Variants in SLC17A1 observed in about 807,000 individuals in gnomAD.
SLC17A1 encodes the protein solute carrier family 17 member 1.
A neutral mutation model predicts 53.5 loss-of-function variants in SLC17A1; 51 were observed. The observed-to-expected ratio is 0.95, with a 90% CI of 0.76 to 1.20. The LOEUF is 1.20. Among genes scored for constraint, SLC17A1 ranks in the 50% most tolerant of loss-of-function variants. The pLI is 0.00. For missense variants in SLC17A1, 538 were observed against 568.2 expected (o/e 0.95, Z 0.54); for synonymous variants, 179 against 198.8 (o/e 0.90, Z 0.84).
At chr6:25,770,114 C>T in the SLC17A1 span, 11 of 1,614,122 alleles carry the variant, frequency 6.8e-6, no homozygotes, top group Non-Finnish European at 9.3e-6. Flanking sequence ...TCATCCTCAG[C>T]TCCCTCAACT....
At chr6:25,766,873 A>G in the SLC17A1 span, among the ~76,000 whole-genome samples, 1 of 152,242 alleles carries the variant, frequency 6.6e-6, no homozygotes, top group African/African-American at 2.4e-5. Flanking sequence ...CCAAGGAGAC[A>G]TGACAACTAA....
chr6:25,770,388 T>C, the SLC17A1 span: 6 of 1,614,084 alleles, frequency 3.7e-6, no homozygotes, highest in East Asian at 1.3e-4. Flanking sequence ...CCCCAGGTTA[T>C]GGTATTAACT....
At chr6:25,817,159 T>C (rs1764387602) in intron 6 of SLC17A1, among the ~76,000 whole-genome samples, 2 of 152,190 alleles carry the variant, frequency 1.3e-5, no homozygotes, top group African/African-American at 4.8e-5. Context: ...GGCCAGGCCA[T>C]TTTAAGTGCA....
the SLC17A1 span, chr6:25,773,252 C>T: frequency 1.9e-6 from 3 of 1,551,208 alleles, no homozygotes; most frequent in Non-Finnish European, 2.7e-6. Flanking sequence ...CCATCCAGTG[C>T]TAACTGGATC....
intron 12 of SLC17A1, 88 bp downstream of exon 12, chr6:25,798,695 T>C: frequency 8.0e-7 from 1 of 1,249,868 alleles, no homozygotes; most frequent in South Asian, 2.0e-5. Flanking sequence ...GCACCCGTTA[T>C]TCCTTCTCGT....
chr6:25,780,818 T>G (rs1215984055), downstream of SLC17A1: 2 of 152,160 alleles, frequency 1.3e-5, no homozygotes, highest in African/African-American at 4.8e-5. Flanking sequence ...ATTATTTGAT[T>G]TAGGGAATAA....
At chr6:25,751,439 G>A in the SLC17A1 span, among the ~76,000 whole-genome samples, 1 of 152,176 alleles carries the variant, frequency 6.6e-6, no homozygotes, top group Non-Finnish European at 1.5e-5. Flanking sequence ...GTTCTATTGG[G>A]CTTGGCCATC....
the SLC17A1 span, among the ~76,000 whole-genome samples, chr6:25,767,825 A>G: frequency 6.6e-6 from 1 of 152,164 alleles, no homozygotes; most frequent in Non-Finnish European, 1.5e-5. Flanking sequence ...ATAATCAACT[A>G]TATTTTTCAT....
chr6:25,782,428 A>G (rs1428474055), downstream of SLC17A1, among the ~76,000 whole-genome samples: 1 of 152,214 alleles, frequency 6.6e-6, no homozygotes, highest in Middle Eastern at 3.2e-3. Context: ...ACAGTATCAT[A>G]TACAGTAAGT....
At chr6:25,793,356 G>A (rs1467704706) in intron 12 of SLC17A1, among the ~76,000 whole-genome samples, 5 of 152,100 alleles carry the variant, frequency 3.3e-5, no homozygotes, top group Non-Finnish European at 5.9e-5. Context: ...TGAGAGCTGG[G>A]TGCAAGTGAG....
At chr6:25,736,425 T>C in the SLC17A1 span, among the ~76,000 whole-genome samples, 2 of 152,180 alleles carry the variant, frequency 1.3e-5, no homozygotes, top group Admixed American at 1.3e-4. Flanking sequence ...TAAATGGCTT[T>C]GTTCTTAATC....
the SLC17A1 span, chr6:25,773,413 T>C: frequency 1.2e-6 from 2 of 1,612,582 alleles, no homozygotes; most frequent in Non-Finnish European, 1.7e-6. Context: ...GGAACTCCTC[T>C]GACATTTCTC....
the SLC17A1 span, among the ~76,000 whole-genome samples, chr6:25,764,320 C>T: frequency 5.9e-5 from 9 of 152,124 alleles, no homozygotes; most frequent in South Asian, 2.1e-4. Context: ...ATATCAGGGA[C>T]GGTATCCTTT....
the SLC17A1 span, among the ~76,000 whole-genome samples, chr6:25,740,805 A>T: frequency 0.27 from 41,348 of 152,230 alleles, 6,834 homozygotes; most frequent in East Asian, 0.7. Context: ...ACTGGAATTT[A>T]AAAATGTGCT....
the SLC17A1 span, among the ~76,000 whole-genome samples, chr6:25,756,036 T>C: frequency 7.9e-5 from 12 of 152,170 alleles, no homozygotes; most frequent in Non-Finnish European, 1.5e-4. Context: ...TCAACACTTG[T>C]ACAGGTGAAG....
At chr6:25,817,471 T>C (rs1764398848) in intron 6 of SLC17A1, among the ~76,000 whole-genome samples, 1 of 152,182 alleles carries the variant, frequency 6.6e-6, no homozygotes, top group African/African-American at 2.4e-5. Flanking sequence ...TTCTTAGTGA[T>C]AAGGAAAAAA....
chr6:25,733,369 CTTG>C, the SLC17A1 span, among the ~76,000 whole-genome samples: 3 of 152,068 alleles, frequency 2.0e-5, no homozygotes, highest in African/African-American at 7.2e-5. Context: ...CAGCACAACT[CTTG>C]TTGGGAGAGC....
rs1165196 is a variant in SLC17A1 at position 25,812,922 on chromosome 6, G to A, written c.806C>T (p.Thr269Ile). 948,706 of 1,612,780 alleles carry A rather than the reference G, an allele frequency of 0.59. 285,985 individuals carry two copies. Among genetic ancestry groups the A allele is most frequent in the African/African-American group, 0.88 (66,082 of 75,010 alleles). ...TGACCAGAAAAACGTAAAACTACCA[G>A]TGGAAATAGCCCAGACTGGAAGCGA... ...LKSLPVWAIS[T>I]GSFTFFWSHN... Residue 269 changes from threonine (T) to isoleucine (I), a missense_variant, in exon 8 of 13, where the codon ACT (threonine) becomes ATT (isoleucine). Transcript: ENST00000244527.
intron 6 of SLC17A1, among the ~76,000 whole-genome samples, chr6:25,814,715 G>C (rs1162225078): frequency 6.6e-6 from 1 of 152,174 alleles, no homozygotes; most frequent in Non-Finnish European, 1.5e-5. Flanking sequence ...TGGGCATGGT[G>C]GCTCACGCCT....
Sources: gnomAD v4.1 joint callset for allele counts (sites outside exome capture counted in the v4.1 genomes callset) on GRCh38, gnomAD v4.1.1 for gene constraint, MANE v1.5 for transcripts, NCBI Gene and HGNC (gene_info 2026-07-23, HGNC 2026-07-21) for gene names.